PPP3R1: variants seen among roughly 807,000 people sequenced by gnomAD.
PPP3R1 encodes protein phosphatase 3 regulatory subunit B, alpha.
A neutral mutation model predicts 22.6 loss-of-function variants in PPP3R1; 5 were observed. The observed-to-expected ratio is 0.22, with a 90% confidence interval of 0.12 to 0.46. The LOEUF (loss-of-function observed/expected upper bound fraction) is 0.46. PPP3R1 is among the 20% of genes least tolerant of loss of function. The pLI is 0.99. For missense variants in PPP3R1, 61 were observed against 203.2 expected (o/e 0.30, Z 4.25); for synonymous variants, 56 against 65.2 (o/e 0.86, Z 0.68).
At chr2:68,247,877 T>A (rs756460363) in intron 1 of PPP3R1, among the ~76,000 whole-genome samples, 1 of 152,220 alleles carries the variant, frequency 6.6e-6, no homozygotes, top group Non-Finnish European at 1.5e-5. Flanking sequence ...CTGTCTCATA[T>A]AAATTACTAT....
intron 2 of PPP3R1, among the ~76,000 whole-genome samples, chr2:68,189,369 A>G (rs1476461720): frequency 6.6e-6 from 1 of 152,232 alleles, no homozygotes; most frequent in Non-Finnish European, 1.5e-5. Context: ...AAGAGAAAGA[A>G]TAACTAAAAA....
intron 2 of PPP3R1, among the ~76,000 whole-genome samples, chr2:68,190,571 A>T (rs949632746): frequency 6.6e-6 from 1 of 152,162 alleles, no homozygotes; most frequent in Non-Finnish European, 1.5e-5. Flanking sequence ...CGTCTCAAAA[A>T]ACAAACAAAA....
intron 1 of PPP3R1, among the ~76,000 whole-genome samples, chr2:68,228,634 T>G (rs978282511): frequency 3.3e-5 from 5 of 152,088 alleles, no homozygotes; most frequent in Admixed American, 2.6e-4. Flanking sequence ...CTCTATTGTT[T>G]CTGTTTTTTA....
In PPP3R1 at chr2:68,179,920, A is replaced by G. The variant is rs1226667427; in HGVS notation, c.*1043T>C. 1 of 152,208 alleles carries G rather than the reference A, an allele frequency of 6.6e-6. No individual in the cohort carries two copies. Among genetic ancestry groups the G allele is most frequent in the Admixed American group, 6.5e-5 (1 of 15,278 alleles). The allele number at this position is 152,208 out of a possible 1,614,324, so 9.4% of individuals were successfully genotyped here. ...GCATATTAAATATCACCAGTTTTTT[A>G]GATTAGCTGCAAGTCTTTTGAAACA... On this transcript the variant is annotated 3_prime_UTR_variant, in exon 6 of 6. Transcript: ENST00000234310.
intron 2 of PPP3R1, among the ~76,000 whole-genome samples, chr2:68,192,261 T>A (rs1674681449): frequency 6.6e-6 from 1 of 152,082 alleles, no homozygotes; most frequent in Admixed American, 6.6e-5. Flanking sequence ...AATCTTGAGT[T>A]TTGCCTTAGT....
At chr2:68,190,898 A>G (rs146761993) in intron 2 of PPP3R1, among the ~76,000 whole-genome samples, 12 of 152,358 alleles carry the variant, frequency 7.9e-5, no homozygotes, top group Admixed American at 3.9e-4. Flanking sequence ...TTTAAGGCTC[A>G]TAAGTGATGG....
At chr2:68,181,639 T>G (rs905010353) in intron 5 of PPP3R1, among the ~76,000 whole-genome samples, 2 of 151,506 alleles carry the variant, frequency 1.3e-5, no homozygotes, top group African/African-American at 4.9e-5. Flanking sequence ...AAAACGATTC[T>G]TAGTTCAAAG....
At chr2:68,212,210 A>G (rs1393416901) in intron 2 of PPP3R1, among the ~76,000 whole-genome samples, 8 of 152,088 alleles carry the variant, frequency 5.3e-5, no homozygotes, top group Admixed American at 2.0e-4. Context: ...CCACCTGAGT[A>G]GCTGGGATTA....
chr2:68,242,371 A>G (rs1417876902), intron 1 of PPP3R1, among the ~76,000 whole-genome samples: 1 of 151,978 alleles, frequency 6.6e-6, no homozygotes, highest in South Asian at 2.1e-4. Flanking sequence ...AGTAGCGGTG[A>G]GCCAAGATTG....
Position 68,252,532 on chromosome 2 carries a change from C to G in PPP3R1, c.-405G>C, listed in dbSNP as rs1187243341. ...CGCGCTGACCCGCAACCTCAAGGCA[C>G]GAAAAAAGGGGAGGGCGGAGAGGGA... On this transcript the variant is annotated 5_prime_UTR_variant, in exon 1 of 6. Transcript: ENST00000234310. 3.4e-6 allele frequency: 3 copies of G among 892,138 alleles called. No individual in the cohort carries two copies. Among genetic ancestry groups the G allele is most frequent in the Non-Finnish European group, 3.8e-6 (3 of 794,676 alleles). 55.3% of individuals were successfully genotyped at this position (892,138 alleles called of 1,614,324 possible).
intron 2 of PPP3R1, among the ~76,000 whole-genome samples, chr2:68,197,033 C>A (rs541321458): frequency 6.6e-6 from 1 of 152,228 alleles, no homozygotes; most frequent in East Asian, 1.9e-4. Context: ...CCTAAAAATG[C>A]TAAAATAATT....
intron 3 of PPP3R1, among the ~76,000 whole-genome samples, chr2:68,187,635 T>TA (rs796424815): frequency 9.2e-5 from 14 of 151,430 alleles, no homozygotes; most frequent in Admixed American, 4.6e-4. Context: ...CAAGGGGCTT[T>TA]AAAAAAAAAC....
rs535007375 is a variant in PPP3R1, at chr2:68,252,392, G to A, written c.-265C>T. On this transcript the variant is annotated 5_prime_UTR_variant, in exon 1 of 6. Coordinates refer to ENST00000234310, the MANE Select transcript of PPP3R1 (RefSeq NM_000945.4). Reference sequence around the variant, plus strand: ...AGCGCGGGAGGAGCAGCGGCGAGAGGCAGGAGAGGCAGAGAAGAAGAAAGG... The same window carrying A: ...AGCGCGGGAGGAGCAGCGGCGAGAGACAGGAGAGGCAGAGAAGAAGAAAGG... 11 of 1,001,844 alleles carry A rather than the reference G, an allele frequency of 1.1e-5. No homozygotes were observed. The highest frequency in any genetic ancestry group is 5.0e-4 in the Middle Eastern group (1 of 1,994). The allele number at this position is 1,001,844 out of a possible 1,614,324, so 62.1% of individuals were successfully genotyped here.
Position 68,198,342 on chromosome 2 carries a change from CAT to C in PPP3R1, c.44-9654_44-9653del, listed in dbSNP as rs1274850112. ...GTATATACATATGTACATATATGTA[CAT>C]GTATATGCATATATATGTACATATA... On this transcript the variant is annotated intron_variant, in intron 2 of 5. Coordinates refer to ENST00000234310, the MANE Select transcript of PPP3R1 (RefSeq NM_000945.4). Among the ~76,000 whole-genome samples the C allele has an allele frequency of 3.1e-4, 34 of 109,900 alleles. 1 individual carries two copies. The highest frequency in any genetic ancestry group is 9.3e-4 in the Admixed American group (10 of 10,746). The allele number at this position is 109,900 out of a possible 152,430, so 72.1% of individuals were successfully genotyped here.
In PPP3R1 at chr2:68,221,769, C is replaced by T. The variant is rs144470328; in HGVS notation, c.4-4638G>A. On this transcript the variant is annotated intron_variant, in intron 1 of 5. Coordinates refer to ENST00000234310, the MANE Select transcript of PPP3R1 (RefSeq NM_000945.4). ...GGAAAAAAGATAAACTACATACATA[C>T]AACATAATTACTACAGCATATTTCT... Among the ~76,000 whole-genome samples the T allele has an allele frequency of 3.6e-4, 55 of 150,954 alleles. No individual in the cohort carries two copies. The East Asian group carries it at 5.8e-3, about 16-fold the overall frequency.
At chr2:68,198,489 A>G (rs567661885) in intron 2 of PPP3R1, among the ~76,000 whole-genome samples, 1 of 148,678 alleles carries the variant, frequency 6.7e-6, no homozygotes, top group Non-Finnish European at 1.5e-5. Flanking sequence ...ATATATATGT[A>G]TATACATATA....
Position 68,252,179 on chromosome 2 carries a change from C to A in PPP3R1, c.-52G>T. 2 of 1,351,302 alleles carry A rather than the reference C, an allele frequency of 1.5e-6. No homozygotes were observed. Among genetic ancestry groups the A allele is most frequent in the Non-Finnish European group, 9.7e-7 (1 of 1,027,700 alleles). 83.7% of individuals were successfully genotyped at this position (1,351,302 alleles called of 1,614,324 possible). A position where few individuals can be genotyped will look rare whatever the true frequency, so the allele number is the denominator to read the frequency against. On this transcript the variant is annotated 5_prime_UTR_variant, in exon 1 of 6. Transcript: ENST00000234310. Reference sequence around the variant, plus strand: ...GGCTCGCTGGCTCGGAGAAGTGTTGCGCTCAGGCTGGCTCGCAGGAAACGG... The same window carrying A: ...GGCTCGCTGGCTCGGAGAAGTGTTGAGCTCAGGCTGGCTCGCAGGAAACGG...
At chr2:68,227,041 G>C (rs975711812) in intron 1 of PPP3R1, among the ~76,000 whole-genome samples, 1 of 151,842 alleles carries the variant, frequency 6.6e-6, no homozygotes, top group Non-Finnish European at 1.5e-5. Flanking sequence ...AACTCTACTA[G>C]ATAAAGATGT....
intron 1 of PPP3R1, among the ~76,000 whole-genome samples, chr2:68,232,909 T>C (rs1400522169): frequency 2.0e-5 from 3 of 152,198 alleles, no homozygotes; most frequent in Non-Finnish European, 4.4e-5. Context: ...ACCTGGTCTC[T>C]ATTATATTTC....
Sources: gnomAD v4.1 joint callset for allele counts (sites outside exome capture counted in the v4.1 genomes callset) on GRCh38, gnomAD v4.1.1 for gene constraint, MANE v1.5 for transcripts, NCBI Gene and HGNC (gene_info 2026-07-23, HGNC 2026-07-21) for gene names.